Variants in KCNC2 observed in about 807,000 individuals in gnomAD.
The protein encoded by KCNC2 is potassium voltage-gated channel subfamily C member 2.
Under a neutral mutation model 44.5 loss-of-function variants are expected in KCNC2, and 21 were observed. The ratio of observed to expected loss-of-function variants is 0.47; its 90% CI spans 0.33 to 0.68. The LOEUF (loss-of-function observed/expected upper bound fraction) is 0.68, where lower values mean the gene tolerates loss of function less well. Among genes scored for constraint, KCNC2 ranks in the 30% least tolerant of loss-of-function variants. The probability of loss-of-function intolerance (pLI) is 0.01; values close to 1 mark genes in which losing one functional copy is unlikely to be tolerated. For missense variants in KCNC2, 589 were observed against 826.2 expected (o/e 0.71, Z 3.52); for synonymous variants, 391 against 339.1 (o/e 1.15, Z -1.68).
chr12:75,188,768 G>A (rs531255790), intron 2 of KCNC2, among the ~76,000 whole-genome samples: 165 of 151,886 alleles, frequency 1.1e-3, no homozygotes, highest in Non-Finnish European at 2.0e-3. Flanking sequence ...GCTGAGGCAG[G>A]AGAATCACTT....
chr12:75,060,473 T>A (rs778702354), intron 2 of KCNC2, among the ~76,000 whole-genome samples: 25 of 151,958 alleles, frequency 1.6e-4, no homozygotes, highest in Non-Finnish European at 3.4e-4. Context: ...AAAACCTTAT[T>A]TTTATTTTTT....
At chr12:75,090,965 A>G (rs958882227) in intron 2 of KCNC2, among the ~76,000 whole-genome samples, 1 of 151,776 alleles carries the variant, frequency 6.6e-6, no homozygotes, top group African/African-American at 2.4e-5. Flanking sequence ...ATTAAGAAGT[A>G]GCCTTAGGAT....
intron 2 of KCNC2, among the ~76,000 whole-genome samples, chr12:75,136,786 CAAA>C (rs1269821042): frequency 6.6e-6 from 1 of 151,974 alleles, no homozygotes; most frequent in African/African-American, 2.4e-5. Flanking sequence ...GAAACTGTTC[CAAA>C]AAATCAAGGA....
chr12:75,145,555 C>T (rs11613110), intron 2 of KCNC2, among the ~76,000 whole-genome samples: 25,437 of 151,524 alleles, frequency 0.17, 2,340 homozygotes, highest in African/African-American at 0.24. Context: ...TTATATGACC[C>T]CGTTAATATA....
chr12:75,189,838 T>C (rs2030023764), intron 2 of KCNC2, among the ~76,000 whole-genome samples: 2 of 152,186 alleles, frequency 1.3e-5, no homozygotes, highest in Non-Finnish European at 2.9e-5. Context: ...CTGCAACTTA[T>C]TGGCAAAAAA....
chr12:75,206,336 T>C (rs2031684520), intron 2 of KCNC2, among the ~76,000 whole-genome samples: 4 of 152,212 alleles, frequency 2.6e-5, no homozygotes, highest in African/African-American at 9.7e-5. Context: ...TGTATAATTT[T>C]TGGTTATTTA....
Position 75,207,980 on chromosome 12 carries a change from C to G in KCNC2, c.4G>C (p.Gly2Arg). The change falls in exon 2 of 5, where the codon GGC becomes CGC. Residue 2 changes from glycine to arginine, a missense_variant. Physicochemically the swap from Gly to Arg is moderately radical, Grantham distance 125. Coordinates refer to ENST00000549446, the MANE Select transcript of KCNC2 (RefSeq NM_139137.4). This position sits in a 1 kb window ranked among gnomAD's most constrained non-coding sequence, Gnocchi z 4.1. M[G>R]KIENNERVIL... The stretch of plus-strand genomic sequence containing the variant: ...ACCCTCTCGTTGTTCTCGATCTTGC[C>G]CATCTCTGTGACTCAGACATGACTA... 1 of 1,612,314 alleles carries G rather than the reference C, an allele frequency of 6.2e-7. No individual in the cohort carries two copies. The highest frequency in any genetic ancestry group is 8.5e-7 in the Non-Finnish European group (1 of 1,179,778).
Position 75,066,114 on chromosome 12 carries a change from T to C in KCNC2, c.688-14797A>G, listed in dbSNP as rs1341991320. 2.6e-5 allele frequency among the ~76,000 whole-genome samples: 4 copies of C among 152,272 alleles called. No homozygotes were observed. The East Asian group carries it at 7.7e-4, about 29-fold the overall frequency. ...AACACCTAAATTTATGATAGCAATA[T>C]TTTTCACCGTCTTCTTTATCATTTT... is the stretch of plus-strand genomic sequence containing the variant. On this transcript the variant is annotated intron_variant, in intron 2 of 4. Coordinates refer to ENST00000549446, the MANE Select transcript of KCNC2 (RefSeq NM_139137.4).
chr12:75,062,439 T>C (rs915326838), intron 2 of KCNC2, among the ~76,000 whole-genome samples: 37 of 152,086 alleles, frequency 2.4e-4, no homozygotes, highest in African/African-American at 8.9e-4. Context: ...ATATATAGTG[T>C]TTTTTTCAGG....
At chr12:75,059,133 G>C (rs575536786) in intron 2 of KCNC2, among the ~76,000 whole-genome samples, 2 of 151,990 alleles carry the variant, frequency 1.3e-5, no homozygotes, top group Admixed American at 1.3e-4. Context: ...TGTGTAAATT[G>C]CAATTTGGTT....
At chr12:75,163,030 G>A (rs1054723381) in intron 2 of KCNC2, among the ~76,000 whole-genome samples, 4 of 151,622 alleles carry the variant, frequency 2.6e-5, no homozygotes, top group African/African-American at 7.3e-5. Context: ...GTCTCTCCTC[G>A]TGCAGACAAG....
intron 2 of KCNC2, among the ~76,000 whole-genome samples, chr12:75,204,141 A>G (rs2031502884): frequency 1.3e-5 from 2 of 151,942 alleles, no homozygotes; most frequent in East Asian, 1.9e-4. Flanking sequence ...ATGACAACTT[A>G]TATTTGAATT....
chr12:75,065,266 A>T (rs1332880690), intron 2 of KCNC2, among the ~76,000 whole-genome samples: 2 of 152,116 alleles, frequency 1.3e-5, no homozygotes, highest in East Asian at 3.8e-4. Flanking sequence ...GTGGAGACTC[A>T]AACAATCACA....
At chr12:75,152,876 T>G (rs1890501420) in intron 2 of KCNC2, among the ~76,000 whole-genome samples, 1 of 151,950 alleles carries the variant, frequency 6.6e-6, no homozygotes, top group African/African-American at 2.4e-5. Context: ...AGGTAATCAC[T>G]AGAAAAACAG....
At chr12:75,169,517 C>G (rs958958291) in intron 2 of KCNC2, among the ~76,000 whole-genome samples, 1 of 151,204 alleles carries the variant, frequency 6.6e-6, no homozygotes, top group Non-Finnish European at 1.5e-5. Context: ...TTACTATGTC[C>G]CTCGGGAAAA....
Position 75,198,286 on chromosome 12 carries a change from G to A in KCNC2, c.687+9011C>T, listed in dbSNP as rs1007614020. Among the ~76,000 whole-genome samples, 13 of 151,712 alleles carry A rather than the reference G, an allele frequency of 8.6e-5. 1 individual carries two copies. Among genetic ancestry groups the A allele is most frequent in the East Asian group, 3.9e-4 (2 of 5,186 alleles). ...AATATGAAAGTTGCTCAACTTTGAC[G>A]CATCCACTAATTATTTTAGATGATG... On this transcript the variant is annotated intron_variant, in intron 2 of 4. Transcript: ENST00000549446.
At chr12:75,134,963 T>G (rs768950291) in intron 2 of KCNC2, among the ~76,000 whole-genome samples, 1 of 151,926 alleles carries the variant, frequency 6.6e-6, no homozygotes, top group Non-Finnish European at 1.5e-5. Flanking sequence ...ATAATTACAC[T>G]CACAGAAAGG....
chr12:75,207,963 G>A lies in KCNC2; in HGVS notation c.21C>T (p.Asn7=), dbSNP rs1219571573. The change falls in exon 2 of 5, where the codon AAC becomes AAT. Residue 7 remains asparagine (N), a synonymous_variant. Transcript: ENST00000549446. This position sits in a 1 kb window ranked among gnomAD's most constrained non-coding sequence, Gnocchi z 4.1. MGKIEN[N]ERVILNVGGT... is the part of the protein sequence containing the mutation. Reference sequence around the variant, plus strand: ...CCCCGACATTGAGGATCACCCTCTCGTTGTTCTCGATCTTGCCCATCTCTG... The same window carrying A: ...CCCCGACATTGAGGATCACCCTCTCATTGTTCTCGATCTTGCCCATCTCTG... 1.9e-6 allele frequency: 3 copies of A among 1,612,516 alleles called. No individual in the cohort carries two copies. The highest frequency in any genetic ancestry group is 1.1e-5 in the South Asian group (1 of 90,976).
intron 2 of KCNC2, among the ~76,000 whole-genome samples, chr12:75,124,443 G>A (rs1390011788): frequency 2.0e-5 from 3 of 152,206 alleles, no homozygotes; most frequent in Non-Finnish European, 2.9e-5. Context: ...GGGTTATTAA[G>A]GATTAAGAGT....
Sources: gnomAD v4.1 joint callset for allele counts (sites outside exome capture counted in the v4.1 genomes callset) on GRCh38, gnomAD v4.1.1 for gene constraint, Gnocchi (gnomAD v3.1) non-coding constraint, MANE v1.5 for transcripts, NCBI Gene and HGNC (gene_info 2026-07-23, HGNC 2026-07-21) for gene names.